The following AUTS2 variants were observed in gnomAD, a reference collection of about 807,000 sequenced individuals.
AUTS2 encodes the protein activator of transcription and developmental regulator AUTS2.
In AUTS2, 17 loss-of-function variants were observed where a neutral mutation model predicts 112.4. That is an observed-to-expected ratio of 0.15 (90% CI 0.10 to 0.23). AUTS2 has a LOEUF of 0.23. AUTS2 is among the 10% of genes least tolerant of loss of function. The probability of loss-of-function intolerance (pLI) is 1.00; values close to 1 mark genes in which losing one functional copy is unlikely to be tolerated. For missense variants in AUTS2, 1,510 were observed against 1,701.6 expected (o/e 0.89, Z 1.98); for synonymous variants, 751 against 702.7 (o/e 1.07, Z -1.09).
At chr7:69,897,732 G>A (rs938083064) in intron 1 of AUTS2, among the ~76,000 whole-genome samples, 2 of 152,088 alleles carry the variant, frequency 1.3e-5, no homozygotes, top group African/African-American at 2.4e-5. Flanking sequence ...ACTCCAACCT[G>A]GGCAACAAGA....
At chr7:70,641,331 C>T (rs190609254) in intron 5 of AUTS2, among the ~76,000 whole-genome samples, 1 of 152,168 alleles carries the variant, frequency 6.6e-6, no homozygotes, top group Non-Finnish European at 1.5e-5. Context: ...AGGCGGATCA[C>T]AAGGTCAGGA....
At chr7:69,897,082 A>C (rs558990444) in intron 1 of AUTS2, among the ~76,000 whole-genome samples, 2 of 152,318 alleles carry the variant, frequency 1.3e-5, no homozygotes, top group Non-Finnish European at 2.9e-5. Context: ...TCAGTGCTAC[A>C]TTGGTACTTG....
chr7:69,930,916 G>C (rs574254744), intron 2 of AUTS2, among the ~76,000 whole-genome samples: 59 of 152,226 alleles, frequency 3.9e-4, no homozygotes, highest in African/African-American at 1.4e-3. Flanking sequence ...CTATCCCAGT[G>C]CCATCTTTAA....
intron 4 of AUTS2, among the ~76,000 whole-genome samples, chr7:70,361,919 C>T (rs1792287794): frequency 6.6e-6 from 1 of 152,132 alleles, no homozygotes; most frequent in African/African-American, 2.4e-5. Flanking sequence ...CATACCCATG[C>T]TCTCACACAC....
intron 4 of AUTS2, among the ~76,000 whole-genome samples, chr7:70,379,264 G>A (rs1793258504): frequency 3.9e-5 from 6 of 152,102 alleles, no homozygotes; most frequent in Admixed American, 3.3e-4. Context: ...CTTTGGGGGA[G>A]CCGAGGCAGG....
intron 6 of AUTS2, among the ~76,000 whole-genome samples, chr7:70,746,920 TTTAAATAGCGTC>T (rs1391130279): frequency 6.6e-6 from 1 of 152,178 alleles, no homozygotes; most frequent in Non-Finnish European, 1.5e-5. Flanking sequence ...ATTATTTTGT[TTTAAATAGCGTC>T]ACATAAGCAA....
intron 4 of AUTS2, among the ~76,000 whole-genome samples, chr7:70,243,946 AATAGTAATACTATTACAGT>A (rs1205248056): frequency 4.5e-4 from 69 of 152,050 alleles, no homozygotes; most frequent in Non-Finnish European, 6.0e-4. Context: ...CTATAACTAT[AATAGTAATACTATTACAGT>A]ATAGTAATAC....
intron 1 of AUTS2, among the ~76,000 whole-genome samples, chr7:69,898,565 T>G (rs568410478): frequency 6.6e-5 from 10 of 152,290 alleles, no homozygotes; most frequent in Admixed American, 3.9e-4. Flanking sequence ...TATCAGGTCA[T>G]GTGGCCTGAA....
At chr7:69,846,057 C>T (rs993374670) in intron 1 of AUTS2, among the ~76,000 whole-genome samples, 28 of 152,080 alleles carry the variant, frequency 1.8e-4, no homozygotes, top group Middle Eastern at 3.4e-3. Context: ...TCCCTCTTTT[C>T]TCACTCTCAA....
intron 1 of AUTS2, among the ~76,000 whole-genome samples, chr7:69,711,359 T>A (rs1353606237): frequency 7.0e-6 from 1 of 142,564 alleles, no homozygotes; most frequent in Non-Finnish European, 1.5e-5. Flanking sequence ...AAATACTATG[T>A]GGTTTTGAGA....
intron 4 of AUTS2, among the ~76,000 whole-genome samples, chr7:70,350,376 C>T (rs572261494): frequency 6.6e-6 from 1 of 152,230 alleles, no homozygotes; most frequent in South Asian, 2.1e-4. Flanking sequence ...AAACAAATAC[C>T]TGAGACTGGG....
rs768833119 is a variant in AUTS2 at position 69,899,459 on chromosome 7, C to A, written c.483C>A (p.His161Gln). The change falls in exon 2 of 19, where the codon CAC (histidine) becomes CAA (glutamine). Residue 161 changes from histidine (H) to glutamine (Q), a missense_variant. Transcript: ENST00000342771. ...DRENDRNLCQ[H>Q]LGKRKKMPKA... is the part of the protein sequence containing the mutation. ...AAAATGACCGCAATCTCTGCCAGCA[C>A]CTTGGGAAGAGAAAGAAAATGCCGA... is the stretch of plus-strand genomic sequence containing the variant. 3 of 1,613,992 alleles carry A rather than the reference C, an allele frequency of 1.9e-6. No homozygotes were observed. Among genetic ancestry groups the A allele is most frequent in the Non-Finnish European group, 2.5e-6 (3 of 1,179,884 alleles).
At chr7:70,611,576 TC>T (rs780926906) in intron 5 of AUTS2, among the ~76,000 whole-genome samples, 5 of 152,330 alleles carry the variant, frequency 3.3e-5, no homozygotes, top group East Asian at 3.9e-4. Context: ...TCAAACATAA[TC>T]CTAACTAATC....
chr7:70,415,180 C>T (rs879659396), intron 4 of AUTS2, among the ~76,000 whole-genome samples: 7 of 152,214 alleles, frequency 4.6e-5, no homozygotes, highest in Non-Finnish European at 1.0e-4. Flanking sequence ...GTCTTTGTCC[C>T]ATTCCCCGAT....
intron 4 of AUTS2, among the ~76,000 whole-genome samples, chr7:70,281,960 T>C (rs1000852921): frequency 1.3e-5 from 2 of 152,138 alleles, no homozygotes; most frequent in African/African-American, 4.8e-5. Context: ...ACCGCATAGA[T>C]TGATCAAAGA....
chr7:69,678,093 T>C (rs1796636997), intron 1 of AUTS2, among the ~76,000 whole-genome samples: 1 of 152,098 alleles, frequency 6.6e-6, no homozygotes, highest in Non-Finnish European at 1.5e-5. Flanking sequence ...GATTTTGTAA[T>C]AGTGTTTTAA....
intron 4 of AUTS2, among the ~76,000 whole-genome samples, chr7:70,231,399 C>T (rs780392547): frequency 9.5e-4 from 145 of 152,188 alleles, no homozygotes; most frequent in Non-Finnish European, 1.6e-3. Flanking sequence ...GTCCTGACCT[C>T]TGTCATTACA....
chr7:69,911,295 C>T (rs1795346705), intron 2 of AUTS2, among the ~76,000 whole-genome samples: 2 of 152,188 alleles, frequency 1.3e-5, no homozygotes, highest in South Asian at 4.1e-4. Flanking sequence ...CACCCAGAAG[C>T]TTGGAGATAC....
intron 4 of AUTS2, among the ~76,000 whole-genome samples, chr7:70,403,240 A>C (rs528859204): frequency 6.6e-6 from 1 of 152,218 alleles, no homozygotes; most frequent in Non-Finnish European, 1.5e-5. Context: ...ACAGGATGTG[A>C]GTCTTTCCAA....
Sources: allele counts gnomAD v4.1 joint callset (sites outside exome capture counted in the v4.1 genomes callset), GRCh38; gene constraint gnomAD v4.1.1; transcripts MANE v1.5; gene names NCBI Gene and HGNC (gene_info 2026-07-23, HGNC 2026-07-21).